Variants in DOCK8 observed in about 807,000 individuals in gnomAD.
DOCK8 encodes the protein dedicator of cytokinesis 8.
Under a neutral mutation model 245.6 loss-of-function variants are expected in DOCK8, and 141 were observed. The ratio of observed to expected loss-of-function variants is 0.57; its 90% CI spans 0.50 to 0.66. The LOEUF (loss-of-function observed/expected upper bound fraction) is 0.66. Among genes scored for constraint, DOCK8 ranks in the 30% least tolerant of loss-of-function variants. The pLI is 0.00. For synonymous variants in DOCK8, 1,168 were observed against 970.2 expected (o/e 1.20, Z -3.79); for missense variants, 2,965 against 2,603.4 (o/e 1.14, Z -3.02).
chr9:462,918 C>G (rs1337361751), intron 46 of DOCK8, among the ~76,000 whole-genome samples: 1 of 152,156 alleles, frequency 6.6e-6, no homozygotes. Flanking sequence ...GGCAAGCATC[C>G]TAACATTTCT....
At position 377,097 on chromosome 9, in the gene DOCK8, A is replaced by G. The variant is rs2131263007; in HGVS notation, c.2326A>G (p.Ser776Gly). ...GGCGCTGGAGCATGAGCTGAAGCTCAGCATCATCTGCCTGAACTCCTCCCG... is the reference window on the plus strand; with the variant it reads ...GGCGCTGGAGCATGAGCTGAAGCTCGGCATCATCTGCCTGAACTCCTCCCG... ...EMALEHELKL[S>G]IICLNSSRLE... The change falls in exon 20 of 48, where the codon AGC becomes GGC. Residue 776 changes from serine (S) to glycine (G), a missense_variant. Around this residue, in one of 3 missense-constraint regions of DOCK8, gnomAD observed 2,825 missense variants for 2,453.5 expected, o/e 1.15. Coordinates refer to ENST00000432829, the MANE Select transcript of DOCK8 (RefSeq NM_203447.4). The G allele has an allele frequency of 6.2e-7, 1 of 1,612,474 alleles. No homozygotes were observed. Among genetic ancestry groups the G allele is most frequent in the Non-Finnish European group, 8.5e-7 (1 of 1,179,960 alleles).
chr9:330,858 C>T (rs974909684), intron 9 of DOCK8, among the ~76,000 whole-genome samples: 1 of 152,202 alleles, frequency 6.6e-6, no homozygotes, highest in African/African-American at 2.4e-5. Flanking sequence ...TGTCGGTCTG[C>T]AGCTCCTTCT....
chr9:218,905 T>A (rs2046822855), intron 1 of DOCK8, among the ~76,000 whole-genome samples: 1 of 152,190 alleles, frequency 6.6e-6, no homozygotes, highest in Admixed American at 6.5e-5. Flanking sequence ...CTCTATGAGA[T>A]AGGAGCAATG....
At chr9:240,017 C>G (rs2047343199) in intron 1 of DOCK8, among the ~76,000 whole-genome samples, 1 of 152,202 alleles carries the variant, frequency 6.6e-6, no homozygotes, top group Non-Finnish European at 1.5e-5. Context: ...TTGCTTACCT[C>G]TTTAATGATT....
chr9:345,572 G>T (rs758026032), intron 14 of DOCK8, among the ~76,000 whole-genome samples: 1 of 152,170 alleles, frequency 6.6e-6, no homozygotes, highest in Non-Finnish European at 1.5e-5. Context: ...AATATTACTT[G>T]AGTTGAACTC....
intron 22 of DOCK8, among the ~76,000 whole-genome samples, chr9:384,204 ATAT>A (rs1211351927): frequency 6.6e-6 from 1 of 152,212 alleles, no homozygotes; most frequent in African/African-American, 2.4e-5. Flanking sequence ...AAAGATTATG[ATAT>A]TATTCACATA....
chr9:368,803 ACTTT>A (rs1434352636), intron 15 of DOCK8: 1 of 145,052 alleles, frequency 6.9e-6, no homozygotes, highest in Non-Finnish European at 1.5e-5. Flanking sequence ...AGTTAATATA[ACTTT>A]CTTTCTTTTT....
chr9:264,352 A>G (rs2047988437), intron 1 of DOCK8, among the ~76,000 whole-genome samples: 1 of 152,236 alleles, frequency 6.6e-6, no homozygotes, highest in South Asian at 2.1e-4. Context: ...TTTCTCAGTG[A>G]AAGGGATTTG....
Position 382,679 on chromosome 9 carries a change from T to C in DOCK8, c.2772T>C (p.Ser924=). 1 of 1,614,116 alleles carries C rather than the reference T, an allele frequency of 6.2e-7. No homozygotes were observed. The highest frequency in any genetic ancestry group is 8.5e-7 in the Non-Finnish European group (1 of 1,180,014). ...ACGAGGAAGTGAAGAACATCATGTC[T>C]TCAAAGGTAGGAAAGATGTCAAACC... ...AADEEVKNIM[S]SKIADRNCSR... is the part of the protein sequence containing the mutation. The change falls in exon 22 of 48, where the codon TCT becomes TCC. Residue 924 remains serine, a synonymous_variant. Transcript: ENST00000432829.
intron 37 of DOCK8, 55 bp from the exon 38 acceptor site, chr9:433,820 C>T: frequency 7.0e-7 from 1 of 1,424,298 alleles, no homozygotes; most frequent in East Asian, 2.3e-5. Flanking sequence ...GTAATCCTAA[C>T]TCTTCACCTG....
At chr9:347,352 A>C (rs528074263) in intron 14 of DOCK8, among the ~76,000 whole-genome samples, 14 of 152,074 alleles carry the variant, frequency 9.2e-5, no homozygotes, top group South Asian at 4.2e-4. Context: ...ACAACAACAA[A>C]AAAATTAGCC....
chr9:422,485 C>G (rs949662938), intron 33 of DOCK8, among the ~76,000 whole-genome samples: 2 of 152,166 alleles, frequency 1.3e-5, no homozygotes, highest in Non-Finnish European at 2.9e-5. Context: ...TCGATATTTC[C>G]TTTCTGGAAA....
chr9:385,727 T>C (rs1457870953), intron 22 of DOCK8, among the ~76,000 whole-genome samples: 5 of 152,220 alleles, frequency 3.3e-5, no homozygotes, highest in Admixed American at 1.3e-4. Context: ...CAGCCTCATA[T>C]TGAAAGCCCC....
At chr9:318,935 A>G (rs184718192) in intron 7 of DOCK8, among the ~76,000 whole-genome samples, 3 of 152,312 alleles carry the variant, frequency 2.0e-5, no homozygotes, top group Non-Finnish European at 4.4e-5. Flanking sequence ...TCTCCAGTGA[A>G]TGAGAGGCAG....
At chr9:452,658 T>TA (rs2057505712) in intron 46 of DOCK8, 1 of 152,472 alleles carries the variant, frequency 6.6e-6, no homozygotes, top group Admixed American at 6.5e-5. Context: ...ATTGTAATGT[T>TA]ACAAATCTTA....
At chr9:410,823 G>C (rs1486605907) in intron 28 of DOCK8, among the ~76,000 whole-genome samples, 1 of 152,114 alleles carries the variant, frequency 6.6e-6, no homozygotes, top group Non-Finnish European at 1.5e-5. Flanking sequence ...CCAATCTTTA[G>C]CTGAGCTGAC....
intron 1 of DOCK8, among the ~76,000 whole-genome samples, chr9:218,800 G>A (rs920689643): frequency 2.0e-5 from 3 of 152,188 alleles, no homozygotes; most frequent in Admixed American, 2.0e-4. Context: ...GGACAGTCAG[G>A]ATTGAAAGGA....
chr9:376,337 A>C (rs775731915), intron 19 of DOCK8, 32 bp downstream of exon 19: 2 of 1,475,850 alleles, frequency 1.4e-6, no homozygotes, highest in East Asian at 4.5e-5. Context: ...CATGAAGGTA[A>C]AGGTGCAGCG....
chr9:463,118 G>A (rs781387946), intron 46 of DOCK8, among the ~76,000 whole-genome samples: 5 of 152,118 alleles, frequency 3.3e-5, no homozygotes, highest in Non-Finnish European at 7.4e-5. Flanking sequence ...TGGGCCAGAA[G>A]CAATGGCCCA....
Sources: allele counts gnomAD v4.1 joint callset (sites outside exome capture counted in the v4.1 genomes callset), GRCh38; gene constraint gnomAD v4.1.1; regional missense constraint gnomAD v4.1.1; transcripts MANE v1.5; gene names NCBI Gene and HGNC (gene_info 2026-07-23, HGNC 2026-07-21).